TNFAIP8L1: variants seen among roughly 807,000 people sequenced by gnomAD.
TNFAIP8L1 encodes the protein tumor necrosis factor alpha-induced protein 8-like protein 1.
For missense variants in TNFAIP8L1, 225 were observed against 266.1 expected, an observed-to-expected ratio of 0.85 and a Z score of 1.08; for synonymous variants, 127 against 125.6, an observed-to-expected ratio of 1.01 and a Z score of -0.08.
chr19:4,640,457 C>T (rs1018583441), intron 1 of TNFAIP8L1: 2 of 152,276 alleles, frequency 1.3e-5, no homozygotes, highest in Non-Finnish European at 2.9e-5. Context: ...GCGATGAACG[C>T]CTTGGGAGGC....
Position 4,645,029 on chromosome 19 carries a change from C to T in TNFAIP8L1, c.-4+5400C>T, listed in dbSNP as rs1192338759. ...CCTGGGCCCCCGGACTGAGTGCAGC[C>T]GGGGCTGAGACAAGACAGATGGAGC... is the stretch of plus-strand genomic sequence containing the variant. On this transcript the variant is annotated intron_variant, in intron 1 of 1. Transcript: ENST00000327473. The surrounding 1 kb of genome is among the most constrained non-coding windows in gnomAD (Gnocchi z 4.1). Among the ~76,000 whole-genome samples, 2 of 152,172 alleles carry T rather than the reference C, an allele frequency of 1.3e-5. No homozygotes were observed. Among genetic ancestry groups the T allele is most frequent in the East Asian group, 1.9e-4 (1 of 5,200 alleles).
rs536241061 is a variant in TNFAIP8L1, at chr19:4,643,092, A to C, written c.-4+3463A>C. ...TCAGGAGTTGGAGACCAGCCTGACC[A>C]ACATGGTGAAACCCCATCTCTACTA... On this transcript the variant is annotated intron_variant, in intron 1 of 1. Coordinates refer to ENST00000327473, the MANE Select transcript of TNFAIP8L1 (RefSeq NM_152362.3). Among the ~76,000 whole-genome samples, 4 of 152,098 alleles carry C rather than the reference A, an allele frequency of 2.6e-5. No homozygotes were observed. In the East Asian group the frequency reaches 5.8e-4, roughly 22 times the overall value.
intron 1 of TNFAIP8L1, among the ~76,000 whole-genome samples, chr19:4,643,648 T>C (rs2088283270): frequency 6.6e-6 from 1 of 152,206 alleles, no homozygotes; most frequent in African/African-American, 2.4e-5. Flanking sequence ...ATAACTAAAA[T>C]GGACACTGGC....
intron 1 of TNFAIP8L1, among the ~76,000 whole-genome samples, chr19:4,647,162 G>A (rs1599826149): frequency 6.6e-6 from 1 of 152,134 alleles, no homozygotes; most frequent in African/African-American, 2.4e-5. Flanking sequence ...GGCTACCCTG[G>A]GTCACGCCGC....
In TNFAIP8L1 at chr19:4,646,754, C is replaced by T. The variant is rs576778397; in HGVS notation, c.-3-5113C>T. Among the ~76,000 whole-genome samples the T allele has an allele frequency of 3.0e-4, 45 of 152,206 alleles. No individual in the cohort carries two copies. The East Asian group carries it at 7.5e-3, about 26-fold the overall frequency. ...CACGCCATTCTCCTGCCTCAGCCTC[C>T]CGAGTAGCCAGGATTACAGGTGCCC... is the stretch of plus-strand genomic sequence containing the variant. On this transcript the variant is annotated intron_variant, in intron 1 of 1. Transcript: ENST00000327473.
At chr19:4,647,125 C>T (rs570509366) in intron 1 of TNFAIP8L1, among the ~76,000 whole-genome samples, 1 of 152,298 alleles carries the variant, frequency 6.6e-6, no homozygotes, top group East Asian at 1.9e-4. Flanking sequence ...AATGGACATA[C>T]GGACATTTGA....
At chr19:4,650,255 C>G (rs1457343298) in intron 1 of TNFAIP8L1, among the ~76,000 whole-genome samples, 1 of 150,132 alleles carries the variant, frequency 6.7e-6, no homozygotes, top group East Asian at 2.0e-4. Flanking sequence ...ACTTGGGGGC[C>G]AAAGTGATGG....
exon 2 of TNFAIP8L1, chr19:4,655,561 AGCCTGG>A (rs2088415999): frequency 6.6e-6 from 1 of 152,180 alleles, no homozygotes; most frequent in South Asian, 2.1e-4. Context: ...AGCACACACC[AGCCTGG>A]GCGCAGTGGC....
At chr19:4,651,656 G>A (rs1395987419) in intron 1 of TNFAIP8L1, among the ~76,000 whole-genome samples, 3 of 152,206 alleles carry the variant, frequency 2.0e-5, no homozygotes, top group Non-Finnish European at 4.4e-5. Flanking sequence ...TTGCCAGGCT[G>A]GTCTCGCACT....
At chr19:4,647,080 G>C (rs1378790584) in intron 1 of TNFAIP8L1, among the ~76,000 whole-genome samples, 1 of 152,156 alleles carries the variant, frequency 6.6e-6, no homozygotes, top group Non-Finnish European at 1.5e-5. Flanking sequence ...TCCATTGTTT[G>C]GACCGATCTC....
chr19:4,650,772 C>T (rs796689406), intron 1 of TNFAIP8L1, among the ~76,000 whole-genome samples: 3 of 152,284 alleles, frequency 2.0e-5, no homozygotes, highest in African/African-American at 7.2e-5. Flanking sequence ...CCCCTGTGAA[C>T]CCATCACCCC....
At chr19:4,649,014 A>G (rs982546512) in intron 1 of TNFAIP8L1, among the ~76,000 whole-genome samples, 2 of 142,890 alleles carry the variant, frequency 1.4e-5, no homozygotes, top group African/African-American at 2.6e-5. Flanking sequence ...ACTGCAACCT[A>G]CGCCTCCTGG....
intron 1 of TNFAIP8L1, among the ~76,000 whole-genome samples, chr19:4,644,842 C>G (rs1159221563): frequency 1.3e-5 from 2 of 152,052 alleles, no homozygotes; most frequent in African/African-American, 4.8e-5. Context: ...CTAAGGTGAT[C>G]TGCCCGCCTC....
rs1486627550 is a variant in TNFAIP8L1, at chr19:4,652,460, C to T, written c.*30C>T. On this transcript the variant is annotated 3_prime_UTR_variant, in exon 2 of 2. Transcript: ENST00000327473. ...CGGCGCCGCCCAACCGCGCCCCTCG[C>T]GCCTTTTGGGGCTCTCCTGCTGGGC... 4.1e-6 allele frequency: 6 copies of T among 1,480,674 alleles called. No individual in the cohort carries two copies. The Admixed American group carries it at 7.1e-5, about 17-fold the overall frequency. The allele number at this position is 1,480,674 out of a possible 1,614,324, so 91.7% of individuals were successfully genotyped here. A position where few individuals can be genotyped will look rare whatever the true frequency, so the allele number is the denominator to read the frequency against.
Position 4,651,789 on chromosome 19 carries a change from G to T in TNFAIP8L1, c.-3-78G>T, listed in dbSNP as rs1599829750. On this transcript the variant is annotated intron_variant, in intron 1 of 1. Coordinates refer to ENST00000327473, the MANE Select transcript of TNFAIP8L1 (RefSeq NM_152362.3). ...AACAAATTCCGTTAGGCCCTCTGGG[G>T]TCTGTGGTGTTGTCACCTCTTCTGT... 3.4e-6 allele frequency: 5 copies of T among 1,451,982 alleles called. No homozygotes were observed. The East Asian group carries it at 9.2e-5, about 27-fold the overall frequency. 89.9% of individuals were successfully genotyped at this position (1,451,982 alleles called of 1,614,324 possible).
At chr19:4,648,892 T>G (rs1030687262) in intron 1 of TNFAIP8L1, among the ~76,000 whole-genome samples, 5 of 151,504 alleles carry the variant, frequency 3.3e-5, no homozygotes, top group African/African-American at 1.2e-4. Context: ...ACCCAGGGGT[T>G]CGGGAGTTTC....
At chr19:4,649,458 G>A (rs762078996) in intron 1 of TNFAIP8L1, among the ~76,000 whole-genome samples, 1 of 152,192 alleles carries the variant, frequency 6.6e-6, no homozygotes, top group Non-Finnish European at 1.5e-5. Flanking sequence ...GAGGCACATT[G>A]TTAAGTTGCT....
At chr19:4,646,042 G>C (rs1260636883) in intron 1 of TNFAIP8L1, among the ~76,000 whole-genome samples, 1 of 152,104 alleles carries the variant, frequency 6.6e-6, no homozygotes, top group South Asian at 2.1e-4. Flanking sequence ...GGCCCTCCTG[G>C]TTACCCTGAA....
Position 4,652,586 on chromosome 19 carries a change from G to T in TNFAIP8L1, c.*156G>T. 1 of 705,208 alleles carries T rather than the reference G, an allele frequency of 1.4e-6. No individual in the cohort carries two copies. 43.7% of individuals were successfully genotyped at this position (705,208 alleles called of 1,614,324 possible). On this transcript the variant is annotated 3_prime_UTR_variant, in exon 2 of 2. Coordinates refer to ENST00000327473, the MANE Select transcript of TNFAIP8L1 (RefSeq NM_152362.3). The stretch of plus-strand genomic sequence containing the variant: ...GGTGACCTGTCTCCTTTGAGAGGAT[G>T]CTGAGGCATCTGTAGCAGCTGTTTC...
Sources: gnomAD v4.1 joint callset for allele counts (sites outside exome capture counted in the v4.1 genomes callset) on GRCh38, gnomAD v4.1.1 for gene constraint, Gnocchi (gnomAD v3.1) non-coding constraint, MANE v1.5 for transcripts, NCBI Gene and HGNC (gene_info 2026-07-23, HGNC 2026-07-21) for gene names.